The following PKDCC variants were observed in gnomAD, a reference collection of about 807,000 sequenced individuals.
PKDCC encodes extracellular tyrosine-protein kinase PKDCC.
In PKDCC, 35 loss-of-function variants were observed where a neutral mutation model predicts 44.7. The ratio of observed to expected loss-of-function variants is 0.78; its 90% confidence interval spans 0.60 to 1.04. The LOEUF (loss-of-function observed/expected upper bound fraction) is 1.04, where lower values mean the gene tolerates loss of function less well. Ranked by LOEUF, PKDCC falls within the 50% of genes least tolerant of loss-of-function variation. PKDCC has a pLI of 0.00. For missense variants in PKDCC, 738 were observed against 672.7 expected (o/e 1.10, Z -1.07); for synonymous variants, 353 against 303.3 (o/e 1.16, Z -1.70).
At chr2:42,050,744 G>GGGTCACA (rs1402343346) in intron 1 of PKDCC, among the ~76,000 whole-genome samples, 1 of 152,108 alleles carries the variant, frequency 6.6e-6, no homozygotes, top group Non-Finnish European at 1.5e-5. Context: ...AAGGGAGAGA[G>GGGTCACA]GGTCACAGGT....
chr2:42,051,342 C>T lies in PKDCC; in HGVS notation c.640-1897C>T, dbSNP rs532267062. Among the ~76,000 whole-genome samples the T allele has an allele frequency of 2.4e-4, 37 of 151,210 alleles. No homozygotes were observed. Among genetic ancestry groups the T allele is most frequent in the African/African-American group, 8.5e-4 (35 of 41,110 alleles). ...CTCCCCTCAACCTCTCCCCACCTCC[C>T]CCTCCCCCAGTCATCCTGGGGCCCC... On this transcript the variant is annotated intron_variant, in intron 1 of 6. Coordinates refer to ENST00000294964, the MANE Select transcript of PKDCC (RefSeq NM_138370.3). This position sits in a 1 kb window ranked among gnomAD's most constrained non-coding sequence, Gnocchi z 4.2.
rs1161739364 is a variant in PKDCC, at chr2:42,054,599, A to C, written c.1034+292A>C. ...AACTGGCACTTTTCCCTTCCCACCC[A>C]GGCCCTTGTGCTCTGGGAAATTCCT... On this transcript the variant is annotated intron_variant, in intron 3 of 6. Transcript: ENST00000294964. The surrounding 1 kb of genome is among the most constrained non-coding windows in gnomAD (Gnocchi z 6.1). The C allele has an allele frequency of 5.5e-6, 3 of 541,994 alleles. No individual in the cohort carries two copies. Among genetic ancestry groups the C allele is most frequent in the South Asian group, 2.5e-5 (1 of 40,452 alleles). 33.6% of individuals were successfully genotyped at this position (541,994 alleles called of 1,614,324 possible). A position where few individuals can be genotyped will look rare whatever the true frequency, so the allele number is the denominator to read the frequency against.
chr2:42,050,938 A>G (rs1403241266), intron 1 of PKDCC, among the ~76,000 whole-genome samples: 2 of 152,194 alleles, frequency 1.3e-5, no homozygotes, highest in Non-Finnish European at 2.9e-5. Flanking sequence ...AGGAGGCTTC[A>G]GGGCAGGTGT....
chr2:42,048,928 A>G lies in PKDCC; in HGVS notation c.639+90A>G. ...GCTGGAAGAGAACCCCTTGATCTGG[A>G]GTGCCAGTGACTGCACCCAGGCTAA... On this transcript the variant is annotated intron_variant, in intron 1 of 6. Coordinates refer to ENST00000294964, the MANE Select transcript of PKDCC (RefSeq NM_138370.3). This position sits in a 1 kb window ranked among gnomAD's most constrained non-coding sequence, Gnocchi z 6.2. 1 of 1,343,154 alleles carries G rather than the reference A, an allele frequency of 7.4e-7. No individual in the cohort carries two copies. The highest frequency in any genetic ancestry group is 9.6e-7 in the Non-Finnish European group (1 of 1,043,256). 83.2% of individuals were successfully genotyped at this position (1,343,154 alleles called of 1,614,324 possible). A position where few individuals can be genotyped will look rare whatever the true frequency, so the allele number is the denominator to read the frequency against.
intron 1 of PKDCC, among the ~76,000 whole-genome samples, chr2:42,050,578 A>C (rs1366375771): frequency 1.3e-5 from 2 of 152,200 alleles, no homozygotes; most frequent in Non-Finnish European, 2.9e-5. Flanking sequence ...TCAGGCCCCC[A>C]GCCCAATTCT....
rs1667921402 is a variant in PKDCC, at chr2:42,048,863, A to T, written c.639+25A>T. ...GGTACGAGGGTGGGGACGCGGGGGT[A>T]ACGGTGTTGGCTGGGAGTGCCCAAG... is the stretch of plus-strand genomic sequence containing the variant. On this transcript the variant is annotated intron_variant, in intron 1 of 6. Transcript: ENST00000294964. The surrounding 1 kb of genome is among the most constrained non-coding windows in gnomAD (Gnocchi z 6.2). 3 of 1,454,478 alleles carry T rather than the reference A, an allele frequency of 2.1e-6. No homozygotes were observed. The highest frequency in any genetic ancestry group is 2.2e-5 in the Admixed American group (1 of 46,082). 90.1% of individuals were successfully genotyped at this position (1,454,478 alleles called of 1,614,324 possible).
chr2:42,048,168 C>T lies in PKDCC; in HGVS notation c.-32C>T. 3.0e-6 allele frequency: 3 copies of T among 1,010,920 alleles called. No individual in the cohort carries two copies. Among genetic ancestry groups the T allele is most frequent in the Non-Finnish European group, 1.2e-6 (1 of 864,240 alleles). 62.6% of individuals were successfully genotyped at this position (1,010,920 alleles called of 1,614,324 possible). ...GCCCGGGGCCGGGGCCGGGGAGCCGCGCGGGGCCGGCCGGCCGGGGGGAGG... is the reference window on the plus strand; with the variant it reads ...GCCCGGGGCCGGGGCCGGGGAGCCGTGCGGGGCCGGCCGGCCGGGGGGAGG... On this transcript the variant is annotated 5_prime_UTR_variant, in exon 1 of 7. Coordinates refer to ENST00000294964, the MANE Select transcript of PKDCC (RefSeq NM_138370.3). The surrounding 1 kb of genome is among the most constrained non-coding windows in gnomAD (Gnocchi z 6.2).
rs1667894811 is a variant in PKDCC at position 42,048,184 on chromosome 2, CG to C, written c.-10del. 1.9e-5 allele frequency: 19 copies of C among 1,019,078 alleles called. No individual in the cohort carries two copies. The highest frequency in any genetic ancestry group is 7.6e-5 in the South Asian group (2 of 26,324). 63.1% of individuals were successfully genotyped at this position (1,019,078 alleles called of 1,614,324 possible). On this transcript the variant is annotated 5_prime_UTR_variant, in exon 1 of 7. Coordinates refer to ENST00000294964, the MANE Select transcript of PKDCC (RefSeq NM_138370.3). This position sits in a 1 kb window ranked among gnomAD's most constrained non-coding sequence, Gnocchi z 6.2. ...GGGGAGCCGCGCGGGGCCGGCCGGCCGGGGGGAGGGGAGCGATGCGGCGCCG... is the reference window on the plus strand; with the variant it reads ...GGGGAGCCGCGCGGGGCCGGCCGGCCGGGGGAGGGGAGCGATGCGGCGCCG...
chr2:42,055,204 A>G lies in PKDCC; in HGVS notation c.1115-82A>G. ...TCACTGGGGCACAGGCTCTGGAGGC[A>G]GAGGTGGGAGCAGCTGGCTGCTGAC... On this transcript the variant is annotated intron_variant, in intron 4 of 6. Coordinates refer to ENST00000294964, the MANE Select transcript of PKDCC (RefSeq NM_138370.3). The surrounding 1 kb of genome is among the most constrained non-coding windows in gnomAD (Gnocchi z 4.5). 1 of 1,391,994 alleles carries G rather than the reference A, an allele frequency of 7.2e-7. No homozygotes were observed. The highest frequency in any genetic ancestry group is 1.0e-6 in the Non-Finnish European group (1 of 1,003,500). The allele number at this position is 1,391,994 out of a possible 1,614,324, so 86.2% of individuals were successfully genotyped here.
rs1329372989 is a variant in PKDCC at position 42,048,124 on chromosome 2, C to A, written c.-76C>A. ...GGGGCCGGCGGGGCGCAGAGCGGAGCCGCCTCGGAGCCTGAGCCGCCCGGG... is the reference window on the plus strand; with the variant it reads ...GGGGCCGGCGGGGCGCAGAGCGGAGACGCCTCGGAGCCTGAGCCGCCCGGG... On this transcript the variant is annotated 5_prime_UTR_variant, in exon 1 of 7. Transcript: ENST00000294964. The surrounding 1 kb of genome is among the most constrained non-coding windows in gnomAD (Gnocchi z 6.2). 1.0e-5 allele frequency: 9 copies of A among 866,596 alleles called. No individual in the cohort carries two copies. Among genetic ancestry groups the A allele is most frequent in the Non-Finnish European group, 1.2e-5 (9 of 726,260 alleles). 53.7% of individuals were successfully genotyped at this position (866,596 alleles called of 1,614,324 possible).
chr2:42,053,301 GCTGGGCGCCC>G lies in PKDCC; in HGVS notation c.706_715del (p.Gly236Ter), dbSNP rs1286427826. On this transcript the variant is annotated frameshift_variant, in exon 2 of 7. Coordinates refer to ENST00000294964, the MANE Select transcript of PKDCC (RefSeq NM_138370.3). LOFTEE classifies it high-confidence loss of function. ...CAGACACCCTGACCACCATCACGGAGCTGGGCGCCCCTGTAGAAATGATCCAGCTGCTGCA... is the reference window on the plus strand; with the variant it reads ...CAGACACCCTGACCACCATCACGGAGCTGTAGAAATGATCCAGCTGCTGCA... 1.9e-6 allele frequency: 3 copies of G among 1,613,630 alleles called. No homozygotes were observed. Among genetic ancestry groups the G allele is most frequent in the Non-Finnish European group, 2.5e-6 (3 of 1,179,872 alleles).
chr2:42,054,780 C>T lies in PKDCC; in HGVS notation c.1035-161C>T, dbSNP rs1668025522. 1.4e-6 allele frequency: 1 copy of T among 730,448 alleles called. No individual in the cohort carries two copies. Among genetic ancestry groups the T allele is most frequent in the East Asian group, 2.5e-5 (1 of 40,726 alleles). The allele number at this position is 730,448 out of a possible 1,614,324, so 45.2% of individuals were successfully genotyped here. On this transcript the variant is annotated intron_variant, in intron 3 of 6. Transcript: ENST00000294964. This position sits in a 1 kb window ranked among gnomAD's most constrained non-coding sequence, Gnocchi z 6.1. ...TGTGGTGTTAGCATGTGCCCAGAAC[C>T]CTCCCCCGAGGCTGAGTAGACTTCA...
rs959501334 is a variant in PKDCC, at chr2:42,057,799, C to A, written c.*111C>A. 6.1e-5 allele frequency: 51 copies of A among 836,488 alleles called. No homozygotes were observed. The highest frequency in any genetic ancestry group is 9.5e-5 in the Non-Finnish European group (50 of 524,490). The allele number at this position is 836,488 out of a possible 1,614,324, so 51.8% of individuals were successfully genotyped here. ...CATGTCACCTGGGAACCCCTGCAGA[C>A]AAAGCTAACATCCCAGACAGACAGA... On this transcript the variant is annotated 3_prime_UTR_variant, in exon 7 of 7. Transcript: ENST00000294964.
At position 42,052,759 on chromosome 2, in the gene PKDCC, A is replaced by G. The variant is rs192366932; in HGVS notation, c.640-480A>G. Reference sequence around the variant, plus strand: ...TGTCTCAAAAAAAAAAAAAGAAAAGAAAAGAAAAATAAATAAAAATAGGTT... The same window carrying G: ...TGTCTCAAAAAAAAAAAAAGAAAAGGAAAGAAAAATAAATAAAAATAGGTT... On this transcript the variant is annotated intron_variant, in intron 1 of 6. Coordinates refer to ENST00000294964, the MANE Select transcript of PKDCC (RefSeq NM_138370.3). This position sits in a 1 kb window ranked among gnomAD's most constrained non-coding sequence, Gnocchi z 4.3. Among the ~76,000 whole-genome samples, 126 of 151,848 alleles carry G rather than the reference A, an allele frequency of 8.3e-4. No homozygotes were observed. The highest frequency in any genetic ancestry group is 1.5e-3 in the South Asian group (7 of 4,818).
chr2:42,052,543 G>A lies in PKDCC; in HGVS notation c.640-696G>A, dbSNP rs1257495945. Among the ~76,000 whole-genome samples, 2 of 152,172 alleles carry A rather than the reference G, an allele frequency of 1.3e-5. No homozygotes were observed. Among genetic ancestry groups the A allele is most frequent in the African/African-American group, 2.4e-5 (1 of 41,442 alleles). On this transcript the variant is annotated intron_variant, in intron 1 of 6. Coordinates refer to ENST00000294964, the MANE Select transcript of PKDCC (RefSeq NM_138370.3). This position sits in a 1 kb window ranked among gnomAD's most constrained non-coding sequence, Gnocchi z 4.3. ...GTAGGCAGATCACTTGAGGTCGGCAGTTTGAGACCAGCCTGGCCAACATGG... is the reference window on the plus strand; with the variant it reads ...GTAGGCAGATCACTTGAGGTCGGCAATTTGAGACCAGCCTGGCCAACATGG...
chr2:42,057,216 C>T lies in PKDCC; in HGVS notation c.1223-5C>T, dbSNP rs534179314. The T allele has an allele frequency of 6.8e-5, 109 of 1,613,976 alleles. No homozygotes were observed. In the South Asian group the frequency reaches 1.1e-3, roughly 17 times the overall value. ...TTCTCATTTTACTCCATCCCCAACC[C>T]ACAGAGTACCAGTGTATCCCAGACA... On this transcript the variant is annotated splice_region_variant and splice_polypyrimidine_tract_variant and intron_variant, in intron 5 of 6. Transcript: ENST00000294964.
chr2:42,048,837 A>T lies in PKDCC; in HGVS notation c.638A>T (p.Gln213Leu), dbSNP rs2103922846. The change falls in exon 1 of 7, where the codon CAG becomes CTG. Residue 213 changes from glutamine to leucine, a missense_variant and splice_region_variant. Gln to Leu is a moderately radical substitution (Grantham distance 113, BLOSUM62 -2). Transcript: ENST00000294964. This position sits in a 1 kb window ranked among gnomAD's most constrained non-coding sequence, Gnocchi z 6.2. Reference protein sequence around the residue: ...LERLRHPNVLQLYGYCYQDSE... With the variant: ...LERLRHPNVLLLYGYCYQDSE... The stretch of plus-strand genomic sequence containing the variant: ...CGGCTGCGGCACCCCAACGTGCTGC[A>T]GGTACGAGGGTGGGGACGCGGGGGT... 2 of 1,463,642 alleles carry T rather than the reference A, an allele frequency of 1.4e-6. No individual in the cohort carries two copies. The allele number at this position is 1,463,642 out of a possible 1,614,324, so 90.7% of individuals were successfully genotyped here. A position where few individuals can be genotyped will look rare whatever the true frequency, so the allele number is the denominator to read the frequency against.
In PKDCC at chr2:42,051,906, C is replaced by T. The variant is rs540232373; in HGVS notation, c.640-1333C>T. Among the ~76,000 whole-genome samples, 1 of 152,184 alleles carries T rather than the reference C, an allele frequency of 6.6e-6. No individual in the cohort carries two copies. Among genetic ancestry groups the T allele is most frequent in the Admixed American group, 6.5e-5 (1 of 15,296 alleles). ...GGTGACAGTGCACAGGGATATCCAC[C>T]CCTCCACCGCATAGCTCTCCTCTCC... On this transcript the variant is annotated intron_variant, in intron 1 of 6. Coordinates refer to ENST00000294964, the MANE Select transcript of PKDCC (RefSeq NM_138370.3). This position sits in a 1 kb window ranked among gnomAD's most constrained non-coding sequence, Gnocchi z 4.2.
At chr2:42,053,985 A>G in intron 2 of PKDCC, 51 bp from the exon 3 acceptor site, 1 of 1,574,932 alleles carries the variant, frequency 6.3e-7, no homozygotes, top group Non-Finnish European at 8.6e-7. Context: ...AGTCCCACAG[A>G]CCCCCAACCC....
Sources: gnomAD v4.1 joint callset for allele counts (sites outside exome capture counted in the v4.1 genomes callset) on GRCh38, gnomAD v4.1.1 for gene constraint, Gnocchi (gnomAD v3.1) non-coding constraint, MANE v1.5 for transcripts, NCBI Gene and HGNC (gene_info 2026-07-23, HGNC 2026-07-21) for gene names.